The following RFTN1 variants were observed in gnomAD, a reference collection of about 807,000 sequenced individuals.
RFTN1 encodes raftlin, lipid raft linker 1.
In RFTN1, 26 loss-of-function variants were observed where a neutral mutation model predicts 46.5. The observed-to-expected ratio is 0.56, with a 90% confidence interval of 0.41 to 0.78. The LOEUF is 0.78. Ranked by LOEUF, RFTN1 falls within the 30% of genes least tolerant of loss-of-function variation. The pLI, the probability that RFTN1 is intolerant of heterozygous loss-of-function variation, is 0.00. For synonymous variants in RFTN1, 261 were observed against 284.2 expected (o/e 0.92, Z 0.82); for missense variants, 693 against 718.7 (o/e 0.96, Z 0.41).
intron 4 of RFTN1, among the ~76,000 whole-genome samples, chr3:16,388,346 C>A (rs1405970067): frequency 2.0e-5 from 3 of 152,134 alleles, no homozygotes; most frequent in African/African-American, 7.2e-5. Flanking sequence ...AGTAAGTATT[C>A]CTTGGGCATT....
chr3:16,463,994 C>G (rs2076048592), intron 2 of RFTN1, among the ~76,000 whole-genome samples: 1 of 152,150 alleles, frequency 6.6e-6, no homozygotes, highest in African/African-American at 2.4e-5. Context: ...CCCCTCCCAA[C>G]CTCCAAAAGC....
At chr3:16,454,072 C>T (rs1280831131) in intron 2 of RFTN1, among the ~76,000 whole-genome samples, 1 of 152,188 alleles carries the variant, frequency 6.6e-6, no homozygotes, top group African/African-American at 2.4e-5. Flanking sequence ...ATGAGCTCCA[C>T]CAGATCTGAG....
Position 16,450,601 on chromosome 3 carries a change from C to G in RFTN1, c.146-16564G>C, listed in dbSNP as rs1464652594. On this transcript the variant is annotated intron_variant, in intron 2 of 9. Transcript: ENST00000334133. This position sits in a 1 kb window ranked among gnomAD's most constrained non-coding sequence, Gnocchi z 4.6. ...CAAACAACACTAGGTCTTGGCCTGT[C>G]TCTACCTCCTGTCTCTAACTGCTCC... 1.3e-5 allele frequency among the ~76,000 whole-genome samples: 2 copies of G among 152,196 alleles called. No individual in the cohort carries two copies. Among genetic ancestry groups the G allele is most frequent in the Non-Finnish European group, 2.9e-5 (2 of 68,042 alleles).
In RFTN1 at chr3:16,385,048, G is replaced by A. The variant is rs1004543871; in HGVS notation, c.442-6946C>T. ...CCTAGATCAGACCACTGCCCACTCC[G>A]GCCCTCCCTCATAACTCACACGCCC... On this transcript the variant is annotated intron_variant, in intron 4 of 9. Transcript: ENST00000334133. This position sits in a 1 kb window ranked among gnomAD's most constrained non-coding sequence, Gnocchi z 5.0. Among the ~76,000 whole-genome samples, 2 of 152,046 alleles carry A rather than the reference G, an allele frequency of 1.3e-5. No individual in the cohort carries two copies. Among genetic ancestry groups the A allele is most frequent in the African/African-American group, 2.4e-5 (1 of 41,392 alleles).
At chr3:16,404,284 T>G in intron 4 of RFTN1, among the ~76,000 whole-genome samples, 1 of 27,554 alleles carries the variant, frequency 3.6e-5, no homozygotes, top group Non-Finnish European at 5.8e-5. Flanking sequence ...TAATATGTAA[T>G]ATATAATATA....
intron 2 of RFTN1, among the ~76,000 whole-genome samples, chr3:16,462,787 C>G (rs2076027790): frequency 6.6e-6 from 1 of 152,248 alleles, no homozygotes; most frequent in Non-Finnish European, 1.5e-5. Flanking sequence ...AACTAATACA[C>G]TACCTCAATG....
At chr3:16,375,034 A>C (rs2073701744) in intron 5 of RFTN1, among the ~76,000 whole-genome samples, 1 of 152,184 alleles carries the variant, frequency 6.6e-6, no homozygotes, top group South Asian at 2.1e-4. Flanking sequence ...TTAACTGAGG[A>C]GAAGGAGGGA....
At chr3:16,405,398 G>A (rs1237452977) in intron 4 of RFTN1, among the ~76,000 whole-genome samples, 2 of 152,164 alleles carry the variant, frequency 1.3e-5, no homozygotes, top group African/African-American at 4.8e-5. Flanking sequence ...CCAATAGGAT[G>A]GAACACAGCA....
rs576236686 is a variant in RFTN1, at chr3:16,428,111, T to A, written c.332+5740A>T. On this transcript the variant is annotated intron_variant, in intron 3 of 9. Coordinates refer to ENST00000334133, the MANE Select transcript of RFTN1 (RefSeq NM_015150.2). This position sits in a 1 kb window ranked among gnomAD's most constrained non-coding sequence, Gnocchi z 4.7. Reference sequence around the variant, plus strand: ...TGCATAGTGAAATTACATATACATATTTACCTTAGAAAAATCCAAACAAAA... The same window carrying A: ...TGCATAGTGAAATTACATATACATAATTACCTTAGAAAAATCCAAACAAAA... 6.6e-6 allele frequency among the ~76,000 whole-genome samples: 1 copy of A among 152,280 alleles called. No individual in the cohort carries two copies. The highest frequency in any genetic ancestry group is 6.5e-5 in the Admixed American group (1 of 15,294).
At chr3:16,505,158 C>T (rs894348010) in intron 1 of RFTN1, among the ~76,000 whole-genome samples, 1 of 152,218 alleles carries the variant, frequency 6.6e-6, no homozygotes. Context: ...TTACACCACA[C>T]AAGTGGCTCA....
At chr3:16,318,549 A>G (rs1174974397) in intron 9 of RFTN1, among the ~76,000 whole-genome samples, 2 of 152,232 alleles carry the variant, frequency 1.3e-5, no homozygotes, top group African/African-American at 4.8e-5. Context: ...TTTCCACGGT[A>G]GAGATCTGTT....
intron 5 of RFTN1, among the ~76,000 whole-genome samples, chr3:16,373,521 G>C (rs188551937): frequency 1.3e-5 from 2 of 152,358 alleles, no homozygotes; most frequent in Admixed American, 6.5e-5. Flanking sequence ...GTACCTGGGC[G>C]TGGGGACTCT....
Position 16,449,974 on chromosome 3 carries a change from G to A in RFTN1, c.146-15937C>T, listed in dbSNP as rs1262383935. 6.6e-6 allele frequency among the ~76,000 whole-genome samples: 1 copy of A among 152,204 alleles called. No individual in the cohort carries two copies. The highest frequency in any genetic ancestry group is 2.4e-5 in the African/African-American group (1 of 41,448). On this transcript the variant is annotated intron_variant, in intron 2 of 9. Transcript: ENST00000334133. This position sits in a 1 kb window ranked among gnomAD's most constrained non-coding sequence, Gnocchi z 5.1. ...GAGGAGGGCTGCAGGAGGCCCCAGG[G>A]AGGCGCAGCAGGGGAAAGAGGTGGA...
intron 2 of RFTN1, among the ~76,000 whole-genome samples, chr3:16,439,539 T>C (rs1309362664): frequency 6.6e-6 from 1 of 152,248 alleles, no homozygotes; most frequent in Non-Finnish European, 1.5e-5. Context: ...ATTTTATTAT[T>C]TCAATTTGGA....
chr3:16,408,294 G>A (rs2125445507), intron 4 of RFTN1, among the ~76,000 whole-genome samples: 1 of 152,160 alleles, frequency 6.6e-6, no homozygotes, highest in Admixed American at 6.5e-5. Context: ...TTGCTCCTCA[G>A]CCCCGGCCAC....
chr3:16,326,905 G>A, intron 7 of RFTN1, 29 bp from the exon 8 acceptor site: 2 of 1,566,832 alleles, frequency 1.3e-6, no homozygotes, highest in Non-Finnish European at 1.7e-6. Context: ...CATTAGGGCT[G>A]CTGCTGCCAC....
Position 16,506,520 on chromosome 3 carries a change from C to T in RFTN1, c.-9+6922G>A, listed in dbSNP as rs9310498. On this transcript the variant is annotated intron_variant, in intron 1 of 9. Transcript: ENST00000334133. The surrounding 1 kb of genome is among the most constrained non-coding windows in gnomAD (Gnocchi z 4.8). ...TCAAATTCTGTATATGTTTTGAAGG[C>T]AGAAAACAGGATTGACTGATGATTT... Among the ~76,000 whole-genome samples the T allele has an allele frequency of 0.56, 84,307 of 151,678 alleles. 24,885 individuals are homozygous for T. Among genetic ancestry groups the T allele is most frequent in the African/African-American group, 0.76 (31,473 of 41,344 alleles).
Position 16,337,520 on chromosome 3 carries a change from G to C in RFTN1, c.1147-10644C>G, listed in dbSNP as rs1274995567. On this transcript the variant is annotated intron_variant, in intron 7 of 9. Transcript: ENST00000334133. This position sits in a 1 kb window ranked among gnomAD's most constrained non-coding sequence, Gnocchi z 5.0. ...GCACTTTGGGAGGCAGAGGTGGGTG[G>C]ATCATGAGGTCAGGAGATCGAGACC... is the stretch of plus-strand genomic sequence containing the variant. 1.3e-5 allele frequency among the ~76,000 whole-genome samples: 2 copies of C among 152,016 alleles called. No homozygotes were observed. Among genetic ancestry groups the C allele is most frequent in the East Asian group, 3.9e-4 (2 of 5,166 alleles).
intron 4 of RFTN1, among the ~76,000 whole-genome samples, chr3:16,397,834 C>G (rs76653164): frequency 6.6e-6 from 1 of 151,870 alleles, no homozygotes; most frequent in Non-Finnish European, 1.5e-5. Flanking sequence ...AAAAATAGAG[C>G]GGTATTTGGA....
Sources: allele counts gnomAD v4.1 joint callset (sites outside exome capture counted in the v4.1 genomes callset), GRCh38; gene constraint gnomAD v4.1.1; non-coding constraint Gnocchi (gnomAD v3.1); transcripts MANE v1.5; gene names NCBI Gene and HGNC (gene_info 2026-07-23, HGNC 2026-07-21).